CEP85L: variants seen among roughly 807,000 people sequenced by gnomAD.
CEP85L encodes centrosomal protein 85L, also known as centrosomal protein of 85 kDa-like.
CEP85L carries 60 observed loss-of-function variants against 100.3 expected under a neutral mutation model. That is an observed-to-expected ratio of 0.60 (90% CI 0.49 to 0.74). CEP85L has a LOEUF of 0.74. CEP85L is among the 30% of genes least tolerant of loss of function. CEP85L has a pLI of 0.00. For synonymous variants in CEP85L, 319 were observed against 322.7 expected (o/e 0.99, Z 0.12); for missense variants, 973 against 936.2 (o/e 1.04, Z -0.51).
intron 5 of CEP85L, among the ~76,000 whole-genome samples, chr6:118,505,880 T>C (rs1775625637): frequency 6.6e-6 from 1 of 152,146 alleles, no homozygotes; most frequent in South Asian, 2.1e-4. Flanking sequence ...ATATAAACTA[T>C]TGGTTTTTGA....
intron 3 of CEP85L, among the ~76,000 whole-genome samples, chr6:118,538,864 A>C (rs1777748917): frequency 6.6e-6 from 1 of 152,098 alleles, no homozygotes. Flanking sequence ...TATAAACAGA[A>C]TTTAATGAAT....
At chr6:118,554,731 G>A (rs1278999649) in intron 3 of CEP85L, among the ~76,000 whole-genome samples, 2 of 152,124 alleles carry the variant, frequency 1.3e-5, no homozygotes, top group African/African-American at 4.8e-5. Context: ...CTAATGAAAG[G>A]TTTCACTAGG....
intron 1 of CEP85L, among the ~76,000 whole-genome samples, 198 bp downstream of exon 1, chr6:118,650,999 G>A (rs1057448044): frequency 6.6e-5 from 10 of 152,156 alleles, no homozygotes; most frequent in Non-Finnish European, 1.5e-5. Context: ...CGGGATGCGG[G>A]GCTGATGCGC....
intron 3 of CEP85L, among the ~76,000 whole-genome samples, chr6:118,529,624 A>AAACAAAC (rs1472810173): frequency 7.4e-6 from 1 of 134,994 alleles, no homozygotes; most frequent in African/African-American, 2.6e-5. Context: ...AAAAAAAAAA[A>AAACAAAC]AAAAAAAAAA....
intron 2 of CEP85L, among the ~76,000 whole-genome samples, chr6:118,582,819 T>C (rs769876282): frequency 4.6e-5 from 7 of 152,108 alleles, no homozygotes; most frequent in South Asian, 4.1e-4. Context: ...GCTCCCGATA[T>C]TGGAAAGAAA....
At chr6:118,590,939 A>C (rs1429272690) in intron 2 of CEP85L, among the ~76,000 whole-genome samples, 1 of 152,132 alleles carries the variant, frequency 6.6e-6, no homozygotes, top group Admixed American at 6.5e-5. Context: ...CGGTCATCGG[A>C]GCCATATCAC....
intron 1 of CEP85L, among the ~76,000 whole-genome samples, chr6:118,639,484 T>TGA (rs1177050231): frequency 6.6e-6 from 1 of 152,164 alleles, no homozygotes; most frequent in Non-Finnish European, 1.5e-5. Flanking sequence ...TCCAAACAGA[T>TGA]GAGACTCTTT....
At chr6:118,600,297 GGGGGTGTGTGTGTGTGTGTGTGTGT>G (rs1781671689) in intron 2 of CEP85L, among the ~76,000 whole-genome samples, 3 of 61,282 alleles carry the variant, frequency 4.9e-5, no homozygotes, top group Admixed American at 2.4e-4. Context: ...GAGCCTTCCT[GGGGGTGTGTGTGTGTGTGTGTGTGT>G]GTGTGTGTGT....
At chr6:118,626,041 G>A (rs956800809) in intron 2 of CEP85L, among the ~76,000 whole-genome samples, 5 of 152,162 alleles carry the variant, frequency 3.3e-5, no homozygotes, top group African/African-American at 1.2e-4. Flanking sequence ...CCAGCAGGAA[G>A]TAGCTAGAGC....
chr6:118,646,622 T>C (rs1775212716), intron 1 of CEP85L, among the ~76,000 whole-genome samples: 1 of 151,996 alleles, frequency 6.6e-6, no homozygotes, highest in South Asian at 2.1e-4. Context: ...TGAGCCGAGA[T>C]CGCACTCCAG....
At chr6:118,629,058 A>T (rs544255349) in intron 2 of CEP85L, among the ~76,000 whole-genome samples, 1 of 152,352 alleles carries the variant, frequency 6.6e-6, no homozygotes, top group African/African-American at 2.4e-5. Context: ...ATCAAACTTT[A>T]AAAACAATAT....
At chr6:118,505,914 G>T (rs1355314575) in intron 5 of CEP85L, among the ~76,000 whole-genome samples, 1 of 152,120 alleles carries the variant, frequency 6.6e-6, no homozygotes, top group Non-Finnish European at 1.5e-5. Flanking sequence ...GTCAATATAG[G>T]TTCACTAATT....
intron 3 of CEP85L, among the ~76,000 whole-genome samples, chr6:118,562,352 C>G (rs1779272192): frequency 6.6e-6 from 1 of 151,964 alleles, no homozygotes; most frequent in African/African-American, 2.4e-5. Flanking sequence ...TACTTTAACT[C>G]ATTTTATCAA....
chr6:118,501,603 G>T, intron 5 of CEP85L: 1 of 593,710 alleles, frequency 1.7e-6, no homozygotes, highest in Non-Finnish European at 3.2e-6. Flanking sequence ...AAACCAATAT[G>T]TACTAATGCC....
At chr6:118,548,586 C>G (rs1415890121) in intron 3 of CEP85L, among the ~76,000 whole-genome samples, 1 of 151,996 alleles carries the variant, frequency 6.6e-6, no homozygotes, top group Non-Finnish European at 1.5e-5. Context: ...AATGAGACAA[C>G]TTTGAAATGA....
intron 1 of CEP85L, among the ~76,000 whole-genome samples, chr6:118,660,025 G>C (rs1024609054): frequency 6.6e-6 from 1 of 152,216 alleles, no homozygotes; most frequent in African/African-American, 2.4e-5. Flanking sequence ...GGCTTAAAAT[G>C]TCTTAGAGGA....
intron 1 of CEP85L, among the ~76,000 whole-genome samples, chr6:118,648,025 C>T (rs1187933431): frequency 6.6e-6 from 1 of 150,388 alleles, no homozygotes. Context: ...AGGCTGAGGC[C>T]GGTGGATCAC....
chr6:118,500,355 C>T (rs184959929), intron 5 of CEP85L, among the ~76,000 whole-genome samples: 65 of 120,996 alleles, frequency 5.4e-4, no homozygotes, highest in Admixed American at 1.3e-3. Context: ...GAACGCAGGA[C>T]GTGGGCAAAC....
intron 11 of CEP85L, among the ~76,000 whole-genome samples, chr6:118,470,258 T>A (rs949027828): frequency 1.3e-5 from 2 of 151,966 alleles, no homozygotes; most frequent in South Asian, 4.2e-4. Flanking sequence ...AATAACTCAA[T>A]AGCCTGGGGT....
Sources: gnomAD v4.1 joint callset for allele counts (sites outside exome capture counted in the v4.1 genomes callset) on GRCh38, gnomAD v4.1.1 for gene constraint, MANE v1.5 for transcripts, NCBI Gene and HGNC (gene_info 2026-07-23, HGNC 2026-07-21) for gene names.